Variants in CCDC172 observed in about 807,000 individuals in gnomAD.
CCDC172 encodes the protein coiled-coil domain containing 172.
CCDC172 carries 30 observed loss-of-function variants against 38.0 expected under a neutral mutation model. That is an observed-to-expected ratio of 0.79 (90% CI 0.59 to 1.07). The LOEUF (loss-of-function observed/expected upper bound fraction) is 1.07. Among genes scored for constraint, CCDC172 ranks in the 50% least tolerant of loss-of-function variants. The pLI is 0.00. For missense variants in CCDC172, 297 were observed against 290.1 expected, an observed-to-expected ratio of 1.02 and a Z score of -0.17; for synonymous variants, 78 against 88.3, an observed-to-expected ratio of 0.88 and a Z score of 0.66.
At chr10:116,333,658 C>T (rs1019043975) in intron 3 of CCDC172, among the ~76,000 whole-genome samples, 6 of 152,102 alleles carry the variant, frequency 3.9e-5, no homozygotes, top group Non-Finnish European at 8.8e-5. Flanking sequence ...CAGATTAAAA[C>T]GTATCAGTAC....
intron 5 of CCDC172, among the ~76,000 whole-genome samples, chr10:116,347,481 T>C (rs1275257890): frequency 6.6e-6 from 1 of 152,036 alleles, no homozygotes; most frequent in Non-Finnish European, 1.5e-5. Flanking sequence ...TATCTATTAA[T>C]AAAATTCATT....
intron 6 of CCDC172, 51 bp downstream of exon 6, chr10:116,357,532 G>A (rs1845014240): frequency 1.5e-6 from 2 of 1,335,326 alleles, no homozygotes; most frequent in South Asian, 3.0e-5. Context: ...AGTTATATAT[G>A]CATGATAAGG....
chr10:116,331,291 T>C (rs534086453), intron 3 of CCDC172, among the ~76,000 whole-genome samples: 21 of 152,298 alleles, frequency 1.4e-4, no homozygotes, highest in African/African-American at 5.1e-4. Context: ...TTTTTTAGAC[T>C]ATGAAGAGGT....
intron 4 of CCDC172, among the ~76,000 whole-genome samples, chr10:116,341,422 A>T (rs890449660): frequency 5.9e-5 from 9 of 152,062 alleles, no homozygotes; most frequent in African/African-American, 1.9e-4. Flanking sequence ...TAGCTTAGAA[A>T]AATATGGTAA....
intron 5 of CCDC172, among the ~76,000 whole-genome samples, chr10:116,349,999 G>A (rs1202510180): frequency 6.6e-6 from 1 of 152,170 alleles, no homozygotes; most frequent in East Asian, 1.9e-4. Flanking sequence ...CACAGAGAAG[G>A]AATAGCTGAT....
intron 5 of CCDC172, among the ~76,000 whole-genome samples, chr10:116,346,740 A>G (rs1357088933): frequency 1.3e-5 from 2 of 151,822 alleles, no homozygotes; most frequent in African/African-American, 2.4e-5. Context: ...ATTTATTTTA[A>G]AAGATTTGTT....
rs191273568 is a variant in CCDC172 at position 116,378,522 on chromosome 10, T to C, written c.741+12T>C. ...AATTTTTGGAGTTGGTAAGTTATCA[T>C]TGATTGTTTAACTTTTGTTCAGCAT... On this transcript the variant is annotated intron_variant, in intron 8 of 8. Transcript: ENST00000333254. 4.4e-6 allele frequency: 7 copies of C among 1,587,702 alleles called. No individual in the cohort carries two copies. In the East Asian group the frequency reaches 6.8e-5, roughly 15 times the overall value.
chr10:116,355,454 A>G (rs1844984702), intron 5 of CCDC172, among the ~76,000 whole-genome samples: 1 of 152,196 alleles, frequency 6.6e-6, no homozygotes, highest in Non-Finnish European at 1.5e-5. Context: ...TCACAACAAC[A>G]TAATCACATA....
chr10:116,348,770 A>G (rs1305369023), intron 5 of CCDC172, among the ~76,000 whole-genome samples: 1 of 152,138 alleles, frequency 6.6e-6, no homozygotes, highest in African/African-American at 2.4e-5. Flanking sequence ...TTTGTGCTAA[A>G]GGCATGCTGC....
chr10:116,324,933 A>T lies in CCDC172; in HGVS notation c.-65-14A>T, dbSNP rs1374445289. Reference sequence around the variant, plus strand: ...GGTTCTAGAAGAATCCATCTTCTTTATTCTGCTTTCCAGGATCCTCAGAGT... The same window carrying T: ...GGTTCTAGAAGAATCCATCTTCTTTTTTCTGCTTTCCAGGATCCTCAGAGT... On this transcript the variant is annotated splice_polypyrimidine_tract_variant and intron_variant, in intron 1 of 8. Transcript: ENST00000333254. 1.2e-5 allele frequency: 14 copies of T among 1,168,502 alleles called. No homozygotes were observed. Among genetic ancestry groups the T allele is most frequent in the Non-Finnish European group, 1.7e-5 (13 of 785,426 alleles). The allele number at this position is 1,168,502 out of a possible 1,614,324, so 72.4% of individuals were successfully genotyped here.
intron 8 of CCDC172, 30 bp downstream of exon 8, chr10:116,378,540 T>C (rs1845277039): frequency 6.4e-7 from 1 of 1,557,882 alleles, no homozygotes; most frequent in Admixed American, 1.8e-5. Context: ...TTAACTTTTG[T>C]TCAGCATTAT....
At chr10:116,366,550 G>A (rs1589958501) in intron 7 of CCDC172, among the ~76,000 whole-genome samples, 2 of 152,234 alleles carry the variant, frequency 1.3e-5, no homozygotes, top group African/African-American at 2.4e-5. Context: ...ATTTACCCAC[G>A]TTGGTGAGTG....
At chr10:116,357,323 C>T (rs548078075) in intron 5 of CCDC172, 57 bp from the exon 6 acceptor site, 38 of 1,125,312 alleles carry the variant, frequency 3.4e-5, no homozygotes, top group South Asian at 1.7e-4. Context: ...CTTTTACTTC[C>T]GGGGTTAAAT....
In CCDC172 at chr10:116,325,106, T is replaced by C. The variant is rs759664625; in HGVS notation, c.79+16T>C. The C allele has an allele frequency of 3.1e-6, 5 of 1,612,406 alleles. No homozygotes were observed. The highest frequency in any genetic ancestry group is 4.2e-6 in the Non-Finnish European group (5 of 1,178,676). ...ATGCGAGAAGGTCGGGGTATTTCTG[T>C]CCTTTGCATGGGGCCTTTTGTCTTC... is the stretch of plus-strand genomic sequence containing the variant. On this transcript the variant is annotated intron_variant, in intron 2 of 8. Coordinates refer to ENST00000333254, the MANE Select transcript of CCDC172 (RefSeq NM_198515.3).
intron 3 of CCDC172, among the ~76,000 whole-genome samples, chr10:116,334,599 A>G (rs540213773): frequency 6.6e-6 from 1 of 152,006 alleles, no homozygotes; most frequent in Non-Finnish European, 1.5e-5. Context: ...ATGTAATACT[A>G]TATTTTATTT....
chr10:116,368,119 T>C (rs1489866411), intron 7 of CCDC172, among the ~76,000 whole-genome samples: 5 of 152,190 alleles, frequency 3.3e-5, no homozygotes, highest in African/African-American at 1.2e-4. Context: ...GTTTGTTTCA[T>C]TTTTGGTAAT....
intron 3 of CCDC172, among the ~76,000 whole-genome samples, chr10:116,331,577 G>A (rs1726447920): frequency 6.6e-6 from 1 of 152,038 alleles, no homozygotes. Flanking sequence ...TTTAGTGAGT[G>A]AATAAGTTAA....
At chr10:116,368,338 G>A (rs1427269858) in intron 7 of CCDC172, among the ~76,000 whole-genome samples, 1 of 151,928 alleles carries the variant, frequency 6.6e-6, no homozygotes, top group Admixed American at 6.6e-5. Flanking sequence ...CTGCAAAATG[G>A]TAATTTCTAA....
chr10:116,335,752 GC>G (rs1275556354), intron 3 of CCDC172, among the ~76,000 whole-genome samples: 1 of 151,928 alleles, frequency 6.6e-6, no homozygotes, highest in Non-Finnish European at 1.5e-5. Flanking sequence ...TATTTTCCAT[GC>G]TTTTTTCTGT....
Sources: gnomAD v4.1 joint callset for allele counts (sites outside exome capture counted in the v4.1 genomes callset) on GRCh38, gnomAD v4.1.1 for gene constraint, MANE v1.5 for transcripts, NCBI Gene and HGNC (gene_info 2026-07-23, HGNC 2026-07-21) for gene names.